Variants in BCL10 observed in about 807,000 individuals in gnomAD.
The protein encoded by BCL10 is BCL10 immune signaling adaptor, also known as B-cell lymphoma/leukemia 10.
Under a neutral mutation model 19.2 loss-of-function variants are expected in BCL10, and 5 were observed. The observed-to-expected ratio is 0.26, with a 90% CI of 0.14 to 0.55. The LOEUF (loss-of-function observed/expected upper bound fraction) is 0.55, where lower values mean the gene tolerates loss of function less well. Ranked by LOEUF, BCL10 falls within the 20% of genes least tolerant of loss-of-function variation. BCL10 has a pLI of 0.94. For synonymous variants in BCL10, 110 were observed against 98.8 expected, an observed-to-expected ratio of 1.11 and a Z score of -0.67; for missense variants, 201 against 271.9, an observed-to-expected ratio of 0.74 and a Z score of 1.83.
chr1:85,267,839 G>A lies in BCL10; in HGVS notation c.490C>T (p.Pro164Ser). The A allele has an allele frequency of 6.2e-7, 1 of 1,614,176 alleles. No homozygotes were observed. Among genetic ancestry groups the A allele is most frequent in the Non-Finnish European group, 8.5e-7 (1 of 1,180,030 alleles). The change falls in exon 3 of 3, where the codon CCC becomes TCC. Residue 164 changes from proline (P) to serine (S), a missense_variant. By Grantham distance (74) the Pro-to-Ser change is moderately conservative. Around this residue, in one of 3 missense-constraint regions of BCL10, gnomAD observed 126 missense variants for 136.6 expected, o/e 0.92. Coordinates refer to ENST00000648566, the MANE Select transcript of BCL10 (RefSeq NM_003921.5). ...YHPEGESSTT[P>S]FFSTNSSLNL... ...AGAGAAGAATTAGTAGAAAAAAAGG[G>A]CGTCGTGCTGGATTCTCCTTCTGGA...
At chr1:85,272,377 G>A (rs12061512) in intron 1 of BCL10, among the ~76,000 whole-genome samples, 1 of 151,192 alleles carries the variant, frequency 6.6e-6, no homozygotes, top group Non-Finnish European at 1.5e-5. Context: ...CTACAGGTGT[G>A]AGCCACCATG....
Position 85,267,735 on chromosome 1 carries a change from T to C in BCL10, c.594A>G (p.Pro198=). 6.2e-7 allele frequency: 1 copy of C among 1,614,210 alleles called. No homozygotes were observed. The highest frequency in any genetic ancestry group is 8.5e-7 in the Non-Finnish European group (1 of 1,180,030). ...GATCTGGTGGCAAAGGAGGAGCCCC[T>C]GGGTCCCCAGGTCTGGGAAGTGTAG... ...SSTTLPRPGD[P]GAPPLPPDLQ... is the part of the protein sequence containing the mutation. The change falls in exon 3 of 3, where the codon CCA becomes CCG. Residue 198 remains proline (P), a synonymous_variant. Coordinates refer to ENST00000648566, the MANE Select transcript of BCL10 (RefSeq NM_003921.5).
In BCL10 at chr1:85,267,470, CT is replaced by C. The variant is rs1195682551; in HGVS notation, c.*156del. 6 of 610,468 alleles carry C rather than the reference CT, an allele frequency of 9.8e-6. No homozygotes were observed. The highest frequency in any genetic ancestry group is 9.3e-5 in the African/African-American group (5 of 53,864). 37.8% of individuals were successfully genotyped at this position (610,468 alleles called of 1,614,324 possible). ...TACAGTTAGCTATCCTAGAAGTATG[CT>C]TTTTTAATTCTAAAAATCCTATTTA... On this transcript the variant is annotated 3_prime_UTR_variant, in exon 3 of 3. Transcript: ENST00000648566.
chr1:85,269,428 T>C (rs1014958958), intron 2 of BCL10, among the ~76,000 whole-genome samples: 5 of 152,208 alleles, frequency 3.3e-5, no homozygotes, highest in East Asian at 1.9e-4. Flanking sequence ...AAACCCTGAG[T>C]TGACAATTTT....
At chr1:85,272,403 ATTTT>A (rs952747276) in intron 1 of BCL10, among the ~76,000 whole-genome samples, 1 of 133,462 alleles carries the variant, frequency 7.5e-6, no homozygotes, top group East Asian at 2.2e-4. Flanking sequence ...CTAATTTTTA[ATTTT>A]TTTTTTTTTT....
At chr1:85,269,187 T>C (rs766482165) in intron 2 of BCL10, among the ~76,000 whole-genome samples, 29 of 152,250 alleles carry the variant, frequency 1.9e-4, no homozygotes, top group Non-Finnish European at 2.5e-4. Flanking sequence ...GCTGGCGCCA[T>C]GGTCTTGGAC....
chr1:85,270,590 T>A (rs1329005975), intron 2 of BCL10, 28 bp downstream of exon 2: 2 of 1,568,476 alleles, frequency 1.3e-6, no homozygotes, highest in East Asian at 4.5e-5. Flanking sequence ...ACATTTAAAT[T>A]AGCTCTTAGA....
At position 85,270,764 on chromosome 1, in the gene BCL10, T is replaced by C; in HGVS notation, c.200A>G (p.Lys67Arg). The stretch of plus-strand genomic sequence containing the variant: ...GTTTTCCTGTAAGTAGTCTAACAAT[T>C]TTCCAGCCCTTTTTCTACTTGATGT... Reference protein sequence around the residue: ...CRTSSRKRAGKLLDYLQENPK... With the variant: ...CRTSSRKRAGRLLDYLQENPK... Residue 67 changes from lysine to arginine, a missense_variant, in exon 2 of 3, where the codon AAA (lysine) becomes AGA (arginine). Lys to Arg is a conservative substitution (Grantham distance 26). Transcript: ENST00000648566. The C allele has an allele frequency of 1.2e-6, 2 of 1,614,150 alleles. No individual in the cohort carries two copies. The highest frequency in any genetic ancestry group is 1.1e-5 in the South Asian group (1 of 91,086).
chr1:85,269,230 AC>A (rs1444302780), intron 2 of BCL10, among the ~76,000 whole-genome samples: 1 of 152,230 alleles, frequency 6.6e-6, no homozygotes, highest in Non-Finnish European at 1.5e-5. Flanking sequence ...AGAAATGAAT[AC>A]ATTTCTTTTC....
At chr1:85,271,338 T>C (rs1283201967) in intron 1 of BCL10, among the ~76,000 whole-genome samples, 2 of 152,198 alleles carry the variant, frequency 1.3e-5, no homozygotes, top group East Asian at 3.8e-4. Context: ...TGTTTGTTAT[T>C]AATTACTCCA....
In BCL10 at chr1:85,270,823, G is replaced by A. The variant is rs545282295; in HGVS notation, c.141C>T (p.Leu47=). Residue 47 remains leucine, a synonymous_variant, in exon 2 of 3, where the codon CTC becomes CTT. Coordinates refer to ENST00000648566, the MANE Select transcript of BCL10 (RefSeq NM_003921.5). ...AAATTTCTTCAGTGTCTTCTCTACT[G>A]AGTATTTTTTTTGCACGTAGATGAT... The part of the protein sequence containing the change: ...HFDHLRAKKI[L]SREDTEEISC... 4.3e-6 allele frequency: 7 copies of A among 1,613,690 alleles called. No individual in the cohort carries two copies. In the African/African-American group the frequency reaches 9.3e-5, roughly 22 times the overall value.
intron 1 of BCL10, among the ~76,000 whole-genome samples, chr1:85,274,599 CA>C (rs1203885245): frequency 1.3e-5 from 2 of 152,080 alleles, no homozygotes; most frequent in African/African-American, 2.4e-5. Context: ...AATACAGCAG[CA>C]ACAGTAAGCA....
intron 1 of BCL10, among the ~76,000 whole-genome samples, chr1:85,273,769 T>G (rs1425292385): frequency 6.6e-6 from 1 of 152,248 alleles, no homozygotes; most frequent in Non-Finnish European, 1.5e-5. Flanking sequence ...TCTCTATAGA[T>G]TCCAAGAGCC....
chr1:85,267,874 A>T lies in BCL10; in HGVS notation c.455T>A (p.Val152Asp), dbSNP rs1200564625. 2 of 1,614,070 alleles carry T rather than the reference A, an allele frequency of 1.2e-6. No individual in the cohort carries two copies. Among genetic ancestry groups the T allele is most frequent in the Admixed American group, 3.3e-5 (2 of 60,004 alleles). ...GGATTCTCCTTCTGGATGGTACATG[A>T]CAGTGGATGCCCTCAGTTTTTCAGA... is the stretch of plus-strand genomic sequence containing the variant. ...NFSEKLRAST[V>D]MYHPEGESST... Residue 152 changes from valine to aspartate, a missense_variant, in exon 3 of 3, where the codon GTC becomes GAC. By Grantham distance (152) the Val-to-Asp change is radical (BLOSUM62 -3). Around this residue, in one of 3 missense-constraint regions of BCL10, gnomAD observed 126 missense variants for 136.6 expected, o/e 0.92. Transcript: ENST00000648566.
At position 85,266,730 on chromosome 1, in the gene BCL10, G is replaced by A; in HGVS notation, c.*897C>T. On this transcript the variant is annotated 3_prime_UTR_variant, in exon 3 of 3. Transcript: ENST00000648566. ...CTACAAAAATAATACAAAAATTAGT[G>A]AGGCATGGTGGCACACACTTGTAGT... 1 of 181,808 alleles carries A rather than the reference G, an allele frequency of 5.5e-6. No individual in the cohort carries two copies. The highest frequency in any genetic ancestry group is 1.2e-5 in the Non-Finnish European group (1 of 85,284). 11.3% of individuals were successfully genotyped at this position (181,808 alleles called of 1,614,324 possible).
rs900970793 is a variant in BCL10, at chr1:85,271,029, T to C, written c.58-123A>G. 3.4e-5 allele frequency: 31 copies of C among 923,132 alleles called. No individual in the cohort carries two copies. The South Asian group carries it at 3.8e-4, about 11-fold the overall frequency. The allele number at this position is 923,132 out of a possible 1,614,324, so 57.2% of individuals were successfully genotyped here. A position where few individuals can be genotyped will look rare whatever the true frequency, so the allele number is the denominator to read the frequency against. On this transcript the variant is annotated intron_variant, in intron 1 of 2. Coordinates refer to ENST00000648566, the MANE Select transcript of BCL10 (RefSeq NM_003921.5). ...TTCTAAAGTCAGGAGGCTCAGGCCT[T>C]CTAAAATGCATGCTAATTAAGATGA... is the stretch of plus-strand genomic sequence containing the variant.
rs1660357770 is a variant in BCL10, at chr1:85,271,021, T to A, written c.58-115A>T. ...AGACAATGTTCTAAAGTCAGGAGGC[T>A]CAGGCCTTCTAAAATGCATGCTAAT... On this transcript the variant is annotated intron_variant, in intron 1 of 2. Transcript: ENST00000648566. 1.1e-5 allele frequency: 11 copies of A among 1,039,900 alleles called. No individual in the cohort carries two copies. The East Asian group carries it at 2.6e-4, about 25-fold the overall frequency. The allele number at this position is 1,039,900 out of a possible 1,614,324, so 64.4% of individuals were successfully genotyped here.
chr1:85,267,874 A>G lies in BCL10; in HGVS notation c.455T>C (p.Val152Ala), dbSNP rs1200564625. The change falls in exon 3 of 3, where the codon GTC (valine) becomes GCC (alanine). Residue 152 changes from valine (V) to alanine (A), a missense_variant. This residue lies in a region of BCL10 where 126 missense variants were observed against 136.6 expected (regional missense o/e 0.92). Transcript: ENST00000648566. ...NFSEKLRAST[V>A]MYHPEGESST... ...GGATTCTCCTTCTGGATGGTACATG[A>G]CAGTGGATGCCCTCAGTTTTTCAGA... The G allele has an allele frequency of 1.2e-6, 2 of 1,614,070 alleles. No individual in the cohort carries two copies. Among genetic ancestry groups the G allele is most frequent in the Non-Finnish European group, 1.7e-6 (2 of 1,180,000 alleles).
In BCL10 at chr1:85,267,687, A is replaced by T; in HGVS notation, c.642T>A (p.Thr214=). The T allele has an allele frequency of 6.2e-7, 1 of 1,614,104 alleles. No individual in the cohort carries two copies. The highest frequency in any genetic ancestry group is 8.5e-7 in the Non-Finnish European group (1 of 1,180,000). ...PPDLQLEEEG[T]CANSSEMFLP... is the part of the protein sequence containing the mutation. ...GAAACATCTCACTAGAGTTTGCACA[A>T]GTTCCTTCTTCTTCTAACTGTAGAT... Residue 214 remains threonine, a synonymous_variant, in exon 3 of 3, where the codon ACT becomes ACA. Coordinates refer to ENST00000648566, the MANE Select transcript of BCL10 (RefSeq NM_003921.5).
Sources: allele counts gnomAD v4.1 joint callset (sites outside exome capture counted in the v4.1 genomes callset), GRCh38; gene constraint gnomAD v4.1.1; regional missense constraint gnomAD v4.1.1; transcripts MANE v1.5; gene names NCBI Gene and HGNC (gene_info 2026-07-23, HGNC 2026-07-21).